FRMPD2: variants seen among roughly 807,000 people sequenced by gnomAD.
FRMPD2 encodes the protein FERM and PDZ domain containing 2.
In FRMPD2, 96 loss-of-function variants were observed where a neutral mutation model predicts 140.1. The ratio of observed to expected loss-of-function variants is 0.69; its 90% CI spans 0.58 to 0.81. The LOEUF (loss-of-function observed/expected upper bound fraction) is 0.81. Ranked by LOEUF, FRMPD2 falls within the 40% of genes least tolerant of loss-of-function variation. The pLI is 0.00. For synonymous variants in FRMPD2, 449 were observed against 547.6 expected (o/e 0.82, Z 2.52); for missense variants, 1,240 against 1,447.4 (o/e 0.86, Z 2.32).
At position 48,156,788 on chromosome 10, in the gene FRMPD2, T is replaced by C. The variant is rs1338695856; in HGVS notation, c.*534A>G. 5.1e-6 allele frequency: 1 copy of C among 194,208 alleles called. No individual in the cohort carries two copies. Among genetic ancestry groups the C allele is most frequent in the African/African-American group, 2.4e-5 (1 of 41,220 alleles). 12.0% of individuals were successfully genotyped at this position (194,208 alleles called of 1,614,324 possible). On this transcript the variant is annotated 3_prime_UTR_variant, in exon 29 of 29. Coordinates refer to ENST00000374201, the MANE Select transcript of FRMPD2 (RefSeq NM_001018071.4). ...GTCGGTCAGACTTTGGACAAGTTTATTGACTTCTTTGGAACCTCAGTTTTC... is the reference window on the plus strand; with the variant it reads ...GTCGGTCAGACTTTGGACAAGTTTACTGACTTCTTTGGAACCTCAGTTTTC...
chr10:48,231,942 A>T (rs1305259068), intron 10 of FRMPD2, among the ~76,000 whole-genome samples, 173 bp downstream of exon 10: 1 of 152,192 alleles, frequency 6.6e-6, no homozygotes, highest in Non-Finnish European at 1.5e-5. Flanking sequence ...CACTTGCTTG[A>T]TGCTTTATCC....
intron 14 of FRMPD2, among the ~76,000 whole-genome samples, chr10:48,205,136 G>T (rs779704448): frequency 1.3e-5 from 2 of 152,172 alleles, no homozygotes; most frequent in Non-Finnish European, 2.9e-5. Context: ...CATTTTCTGC[G>T]TAAGATGCTT....
At chr10:48,268,479 T>A (rs1840714476) in intron 1 of FRMPD2, among the ~76,000 whole-genome samples, 1 of 152,240 alleles carries the variant, frequency 6.6e-6, no homozygotes, top group South Asian at 2.1e-4. Flanking sequence ...GCTTTATTTG[T>A]GATAGCCAAA....
rs559570870 is a variant in FRMPD2 at position 48,227,070 on chromosome 10, TATCTATGG to T, written c.1169-3808_1169-3801del. On this transcript the variant is annotated intron_variant, in intron 10 of 28. Transcript: ENST00000374201. Reference sequence around the variant, plus strand: ...TCTTTCCAAAGCCAGCTTTCCCAAATATCTATGGATAGTGCCTAGCTAAGAGAAGAAGG... The same window carrying T: ...TCTTTCCAAAGCCAGCTTTCCCAAATATAGTGCCTAGCTAAGAGAAGAAGG... 2.3e-3 allele frequency among the ~76,000 whole-genome samples: 343 copies of T among 152,320 alleles called. 1 individual carries two copies. Among genetic ancestry groups the T allele is most frequent in the African/African-American group, 8.0e-3 (333 of 41,568 alleles).
At chr10:48,239,783 C>G in intron 6 of FRMPD2, 91 bp from the exon 7 acceptor site, 1 of 863,610 alleles carries the variant, frequency 1.2e-6, no homozygotes, top group Non-Finnish European at 1.9e-6. Context: ...GGCATCATGA[C>G]TTACTAGCTG....
chr10:48,172,831 C>T (rs1554791763), intron 25 of FRMPD2, 115 bp downstream of exon 25: 6 of 850,034 alleles, frequency 7.1e-6, no homozygotes, highest in South Asian at 3.0e-5. Flanking sequence ...CACTATGGCT[C>T]GCTTTCTTTT....
chr10:48,214,877 A>T (rs1274366850), intron 12 of FRMPD2, among the ~76,000 whole-genome samples: 1 of 152,220 alleles, frequency 6.6e-6, no homozygotes, highest in Non-Finnish European at 1.5e-5. Flanking sequence ...GCCAATCCAG[A>T]GGATCACTAG....
At chr10:48,197,465 C>T (rs1442526161) in intron 15 of FRMPD2, among the ~76,000 whole-genome samples, 2 of 152,188 alleles carry the variant, frequency 1.3e-5, no homozygotes, top group Admixed American at 1.3e-4. Flanking sequence ...GTGGCACTCC[C>T]CTGAGTCTAC....
intron 20 of FRMPD2, among the ~76,000 whole-genome samples, chr10:48,181,857 T>TTATATATATATATATATATA (rs1168209520): frequency 2.8e-5 from 1 of 36,074 alleles, no homozygotes; most frequent in African/African-American, 1.3e-4. Context: ...ATATATTCCC[T>TTATATATATATATATATATA]CATATATATA....
At chr10:48,184,508 C>T in intron 20 of FRMPD2, 58 bp downstream of exon 20, 1 of 1,024,134 alleles carries the variant, frequency 9.8e-7, no homozygotes, top group Non-Finnish European at 1.5e-6. Flanking sequence ...TCACAGTAAT[C>T]ATGTACTCCT....
At chr10:48,218,900 A>G (rs1839514936) in intron 12 of FRMPD2, among the ~76,000 whole-genome samples, 1 of 152,220 alleles carries the variant, frequency 6.6e-6, no homozygotes, top group South Asian at 2.1e-4. Context: ...CAATTTTGCA[A>G]GACAATAAAT....
rs749909560 is a variant in FRMPD2, at chr10:48,236,535, T to G, written c.940A>C (p.Ile314Leu). ...ATCGGGGCCTCTCCAGCCAACAGGA[T>G]GAACTCTGGCCTGGAAAACTGGAGG... ...RRSKFSRPEF[I>L]LLAGEAPMTL... The change falls in exon 9 of 29, where the codon ATC becomes CTC. Residue 314 changes from isoleucine (I) to leucine (L), a missense_variant. Around this residue, in one of 6 missense-constraint regions of FRMPD2, gnomAD observed 1,161 missense variants for 1,055.9 expected, o/e 1.10. Transcript: ENST00000374201. 52 of 1,614,058 alleles carry G rather than the reference T, an allele frequency of 3.2e-5. 1 individual carries two copies. In the South Asian group the frequency reaches 5.5e-4, roughly 17 times the overall value.
intron 14 of FRMPD2, among the ~76,000 whole-genome samples, chr10:48,203,361 G>T (rs1353191629): frequency 1.3e-5 from 2 of 152,038 alleles, no homozygotes; most frequent in Non-Finnish European, 2.9e-5. Flanking sequence ...ATTCTTATCT[G>T]CAAACTTTCG....
intron 10 of FRMPD2, among the ~76,000 whole-genome samples, chr10:48,230,270 AT>A (rs1839821138): frequency 6.6e-6 from 1 of 152,212 alleles, no homozygotes; most frequent in African/African-American, 2.4e-5. Context: ...TCTTATTTTT[AT>A]GATAATATAG....
At chr10:48,256,216 C>A (rs953283969) in intron 1 of FRMPD2, among the ~76,000 whole-genome samples, 1 of 151,162 alleles carries the variant, frequency 6.6e-6, no homozygotes, top group East Asian at 2.0e-4. Flanking sequence ...CTGCTCCCTG[C>A]CCCCCCACCC....
At chr10:48,212,894 T>C (rs149234329) in intron 12 of FRMPD2, among the ~76,000 whole-genome samples, 53 of 152,232 alleles carry the variant, frequency 3.5e-4, no homozygotes, top group Non-Finnish European at 6.3e-4. Context: ...AGGTCCACTA[T>C]ACAGAATGAG....
intron 27 of FRMPD2, among the ~76,000 whole-genome samples, chr10:48,168,066 TAAAC>T (rs1838145856): frequency 6.8e-6 from 1 of 146,574 alleles, no homozygotes; most frequent in Admixed American, 6.6e-5. Context: ...AACACACACA[TAAAC>T]ACACACACAC....
chr10:48,178,266 G>A (rs1838460321), intron 21 of FRMPD2, 115 bp from the exon 22 acceptor site: 1 of 736,966 alleles, frequency 1.4e-6, no homozygotes, highest in African/African-American at 1.8e-5. Context: ...ATGAGCTTTG[G>A]ATTGGGCCAG....
chr10:48,177,979 G>A, intron 22 of FRMPD2, 68 bp downstream of exon 22: 1 of 669,680 alleles, frequency 1.5e-6, no homozygotes, highest in Admixed American at 2.2e-5. Context: ...CCATCTGGGT[G>A]GAATGGCCAC....
Sources: gnomAD v4.1 joint callset for allele counts (sites outside exome capture counted in the v4.1 genomes callset) on GRCh38, gnomAD v4.1.1 for gene constraint, gnomAD v4.1.1 regional missense constraint, MANE v1.5 for transcripts, NCBI Gene and HGNC (gene_info 2026-07-23, HGNC 2026-07-21) for gene names.